Variants in COLEC12 observed in about 807,000 individuals in gnomAD.
The protein encoded by COLEC12 is collectin subfamily member 12, also known as collectin-12.
Under a neutral mutation model 71.1 loss-of-function variants are expected in COLEC12, and 33 were observed. The observed-to-expected ratio is 0.46, with a 90% CI of 0.35 to 0.62. The LOEUF (loss-of-function observed/expected upper bound fraction) is 0.62, where lower values mean the gene tolerates loss of function less well. Ranked by LOEUF, COLEC12 falls within the 20% of genes least tolerant of loss-of-function variation. COLEC12 has a pLI of 0.00. For synonymous variants in COLEC12, 350 were observed against 353.0 expected (o/e 0.99, Z 0.10); for missense variants, 765 against 916.1 (o/e 0.84, Z 2.13).
chr18:404,214 G>C (rs190310467), intron 2 of COLEC12, among the ~76,000 whole-genome samples: 2 of 151,992 alleles, frequency 1.3e-5, no homozygotes, highest in Non-Finnish European at 2.9e-5. Context: ...CTGTGGCTTG[G>C]TTTGTTTATT....
intron 2 of COLEC12, among the ~76,000 whole-genome samples, chr18:454,451 G>C (rs1916825357): frequency 1.3e-5 from 2 of 152,190 alleles, no homozygotes; most frequent in South Asian, 4.1e-4. Flanking sequence ...GGAGGCCAAG[G>C]CAGGTGAATC....
chr18:437,498 T>C (rs970433294), intron 2 of COLEC12, among the ~76,000 whole-genome samples: 15 of 152,084 alleles, frequency 9.9e-5, no homozygotes, highest in African/African-American at 3.6e-4. Flanking sequence ...CTAATGTCGG[T>C]GTTGGCTGAG....
intron 2 of COLEC12, among the ~76,000 whole-genome samples, chr18:462,382 A>G (rs1318869439): frequency 6.6e-6 from 1 of 152,234 alleles, no homozygotes; most frequent in Non-Finnish European, 1.5e-5. Flanking sequence ...ATGCCACAAC[A>G]TGGATGAAAC....
chr18:381,337 T>A (rs942959608), intron 2 of COLEC12, among the ~76,000 whole-genome samples: 1 of 152,212 alleles, frequency 6.6e-6, no homozygotes, highest in Non-Finnish European at 1.5e-5. Flanking sequence ...TGGTTTCTGT[T>A]CACGTCAACA....
At chr18:350,151 C>T (rs559057834) in intron 3 of COLEC12, among the ~76,000 whole-genome samples, 2 of 152,274 alleles carry the variant, frequency 1.3e-5, no homozygotes, top group South Asian at 4.2e-4. Context: ...TTATATCTCC[C>T]AGAATTTACA....
intron 2 of COLEC12, among the ~76,000 whole-genome samples, chr18:431,459 A>G (rs187900133): frequency 1.9e-3 from 290 of 152,308 alleles, no homozygotes; most frequent in African/African-American, 6.6e-3. Context: ...CTGAGACCCA[A>G]CTGGTTATCA....
At chr18:396,461 G>T (rs1940442) in intron 2 of COLEC12, among the ~76,000 whole-genome samples, 357 of 152,178 alleles carry the variant, frequency 2.3e-3, no homozygotes, top group African/African-American at 8.2e-3. Context: ...CTACTCAGTG[G>T]CTTCTCCAAT....
chr18:338,123 T>C (rs1463647071), intron 5 of COLEC12, among the ~76,000 whole-genome samples: 1 of 152,190 alleles, frequency 6.6e-6, no homozygotes, highest in African/African-American at 2.4e-5. Flanking sequence ...TCCTCCTCTG[T>C]ATTTTCCACA....
intron 1 of COLEC12, among the ~76,000 whole-genome samples, chr18:490,144 T>G (rs1917593517): frequency 6.6e-6 from 1 of 152,218 alleles, no homozygotes; most frequent in Admixed American, 6.5e-5. Flanking sequence ...CCAGTGGCTC[T>G]GTGAAAAGTT....
chr18:362,149 T>C lies in COLEC12; in HGVS notation c.59-4627A>G, dbSNP rs1003437279. 6.6e-6 allele frequency among the ~76,000 whole-genome samples: 1 copy of C among 152,130 alleles called. No homozygotes were observed. Among genetic ancestry groups the C allele is most frequent in the African/African-American group, 2.4e-5 (1 of 41,440 alleles). ...GTGGCCGCCAGGCATCTGGTGCATGTGGTATTCGTGCAGATCCAAGCCCGG... is the reference window on the plus strand; with the variant it reads ...GTGGCCGCCAGGCATCTGGTGCATGCGGTATTCGTGCAGATCCAAGCCCGG... On this transcript the variant is annotated intron_variant, in intron 2 of 9. Coordinates refer to ENST00000400256, the MANE Select transcript of COLEC12 (RefSeq NM_130386.3). The surrounding 1 kb of genome is among the most constrained non-coding windows in gnomAD (Gnocchi z 4.6).
chr18:483,685 A>G (rs1917467070), intron 1 of COLEC12, among the ~76,000 whole-genome samples: 3 of 152,328 alleles, frequency 2.0e-5, no homozygotes, highest in Admixed American at 2.0e-4. Flanking sequence ...CATCAAGTCC[A>G]TGCTCTGTTC....
intron 2 of COLEC12, among the ~76,000 whole-genome samples, chr18:392,192 A>G (rs1487360363): frequency 6.6e-6 from 1 of 152,162 alleles, no homozygotes; most frequent in Non-Finnish European, 1.5e-5. Flanking sequence ...CCCTACCTAC[A>G]GTGTTTGTAA....
intron 3 of COLEC12, among the ~76,000 whole-genome samples, chr18:352,746 G>A (rs1914551637): frequency 6.6e-6 from 1 of 152,204 alleles, no homozygotes; most frequent in Non-Finnish European, 1.5e-5. Flanking sequence ...ACAGCACACA[G>A]CACTTTCATT....
chr18:466,367 C>T (rs1355374584), intron 2 of COLEC12, among the ~76,000 whole-genome samples: 1 of 152,214 alleles, frequency 6.6e-6, no homozygotes, highest in Non-Finnish European at 1.5e-5. Flanking sequence ...ACTAGAAGTT[C>T]CGTGGCCCTC....
At chr18:486,871 A>T (rs1413067221) in intron 1 of COLEC12, among the ~76,000 whole-genome samples, 3 of 152,232 alleles carry the variant, frequency 2.0e-5, no homozygotes, top group African/African-American at 7.2e-5. Context: ...TGTTGGTGGG[A>T]ATGTAAAATG....
At chr18:452,909 T>C (rs147858842) in intron 2 of COLEC12, among the ~76,000 whole-genome samples, 308 of 152,324 alleles carry the variant, frequency 2.0e-3, no homozygotes, top group Non-Finnish European at 2.8e-3. Flanking sequence ...CCCACTGAAA[T>C]AGCACCACTC....
chr18:489,618 T>C (rs1917583385), intron 1 of COLEC12, among the ~76,000 whole-genome samples: 2 of 152,110 alleles, frequency 1.3e-5, no homozygotes, highest in Admixed American at 1.3e-4. Context: ...ATGATGTATA[T>C]ATGAGGAGCT....
intron 2 of COLEC12, among the ~76,000 whole-genome samples, chr18:472,954 T>A (rs534910338): frequency 4.4e-4 from 67 of 152,126 alleles, no homozygotes; most frequent in African/African-American, 1.6e-3. Flanking sequence ...AGTTTAATAA[T>A]AGCCACAATT....
intron 2 of COLEC12, among the ~76,000 whole-genome samples, chr18:423,532 G>T (rs1916139100): frequency 1.3e-5 from 2 of 151,900 alleles, no homozygotes; most frequent in Non-Finnish European, 2.9e-5. Context: ...GATGATAGTT[G>T]TTCAAATACT....
Sources: allele counts gnomAD v4.1 joint callset (sites outside exome capture counted in the v4.1 genomes callset), GRCh38; gene constraint gnomAD v4.1.1; non-coding constraint Gnocchi (gnomAD v3.1); transcripts MANE v1.5; gene names NCBI Gene and HGNC (gene_info 2026-07-23, HGNC 2026-07-21).